ABCA12: variants seen among roughly 807,000 people sequenced by gnomAD.
ABCA12 encodes glucosylceramide transporter ABCA12.
Under a neutral mutation model 293.5 loss-of-function variants are expected in ABCA12, and 156 were observed. The ratio of observed to expected loss-of-function variants is 0.53; its 90% CI spans 0.47 to 0.61. The LOEUF is 0.61. ABCA12 is among the 20% of genes least tolerant of loss of function. The pLI is 0.00. For synonymous variants in ABCA12, 1,063 were observed against 1,108.0 expected (o/e 0.96, Z 0.81); for missense variants, 2,797 against 3,090.2 (o/e 0.91, Z 2.25).
chr2:215,015,038 C>A (rs1386109908), intron 15 of ABCA12, among the ~76,000 whole-genome samples: 9 of 152,024 alleles, frequency 5.9e-5, no homozygotes, highest in Admixed American at 4.6e-4. Flanking sequence ...TAGCCTCTAT[C>A]TAAATTGATG....
intron 44 of ABCA12, among the ~76,000 whole-genome samples, chr2:214,951,409 C>T (rs945025535): frequency 6.6e-6 from 1 of 152,160 alleles, no homozygotes; most frequent in Non-Finnish European, 1.5e-5. Flanking sequence ...AACTAAGGAA[C>T]TCCAGAATCA....
intron 18 of ABCA12, among the ~76,000 whole-genome samples, chr2:215,009,722 G>A (rs1700331128): frequency 6.6e-6 from 1 of 152,074 alleles, no homozygotes; most frequent in South Asian, 2.1e-4. Context: ...GTAAAACAGA[G>A]ATTTTTCTTT....
intron 11 of ABCA12, chr2:215,022,646 C>T (rs551355439): frequency 1.2e-4 from 19 of 152,276 alleles, no homozygotes; most frequent in African/African-American, 3.4e-4. Flanking sequence ...AATAGAACAA[C>T]GGATGACTAA....
At chr2:215,017,219 C>T (rs1186914664) in intron 14 of ABCA12, among the ~76,000 whole-genome samples, 4 of 152,140 alleles carry the variant, frequency 2.6e-5, no homozygotes, top group African/African-American at 7.2e-5. Flanking sequence ...AGAAATGACA[C>T]ACTCTGTCAC....
chr2:215,123,237 A>G (rs538916381), intron 1 of ABCA12, among the ~76,000 whole-genome samples: 2 of 152,056 alleles, frequency 1.3e-5, no homozygotes, highest in South Asian at 4.2e-4. Flanking sequence ...GCAGTGGCGC[A>G]ATCTCGGCTC....
chr2:214,953,781 A>G (rs1698853606), intron 44 of ABCA12, 73 bp downstream of exon 44: 13 of 1,565,504 alleles, frequency 8.3e-6, no homozygotes, highest in Non-Finnish European at 1.0e-5. Flanking sequence ...AGCTTAGACT[A>G]TTGACTTCTT....
intron 6 of ABCA12, among the ~76,000 whole-genome samples, chr2:215,047,648 T>C (rs1701229463): frequency 2.6e-5 from 4 of 152,186 alleles, no homozygotes; most frequent in Non-Finnish European, 5.9e-5. Context: ...ACACCTTGCT[T>C]ACACCATATA....
At chr2:214,982,125 G>A (rs1699681034) in intron 30 of ABCA12, 62 bp downstream of exon 30, 4 of 1,576,760 alleles carry the variant, frequency 2.5e-6, no homozygotes, top group Admixed American at 3.3e-5. Context: ...GTTTGCTTTT[G>A]TATATGCCAG....
At chr2:215,073,795 G>A (rs553411090) in intron 2 of ABCA12, among the ~76,000 whole-genome samples, 1 of 152,310 alleles carries the variant, frequency 6.6e-6, no homozygotes, top group Admixed American at 6.5e-5. Context: ...GAGAGAACGA[G>A]TTGAGGATTT....
intron 2 of ABCA12, among the ~76,000 whole-genome samples, chr2:215,097,417 T>C (rs1008286611): frequency 6.6e-6 from 1 of 152,204 alleles, no homozygotes; most frequent in Non-Finnish European, 1.5e-5. Flanking sequence ...TTACAGTTAC[T>C]GTAATTTGAT....
chr2:215,111,290 T>G (rs1289580333), intron 2 of ABCA12, among the ~76,000 whole-genome samples: 1 of 152,256 alleles, frequency 6.6e-6, no homozygotes, highest in Non-Finnish European at 1.5e-5. Flanking sequence ...AGATTGCTGC[T>G]TGTTTGTGCT....
chr2:214,973,030 G>A (rs1425468134), intron 36 of ABCA12, among the ~76,000 whole-genome samples: 1 of 151,806 alleles, frequency 6.6e-6, no homozygotes, highest in Non-Finnish European at 1.5e-5. Flanking sequence ...TCACCATGTT[G>A]CCAAGGCTGG....
chr2:215,046,813 G>T (rs2106050107), intron 6 of ABCA12, among the ~76,000 whole-genome samples: 1 of 152,126 alleles, frequency 6.6e-6, no homozygotes, highest in Middle Eastern at 3.4e-3. Flanking sequence ...GCAAAGACAT[G>T]AAATCAACCC....
At chr2:214,966,736 T>G in intron 39 of ABCA12, 112 bp downstream of exon 39, 1 of 938,314 alleles carries the variant, frequency 1.1e-6, no homozygotes, top group Non-Finnish European at 1.7e-6. Flanking sequence ...GACCTGTGAT[T>G]TAGATACCAT....
intron 2 of ABCA12, chr2:215,075,611 G>T (rs1235321910): frequency 1.5e-6 from 1 of 686,380 alleles, no homozygotes; most frequent in East Asian, 2.7e-5. Flanking sequence ...CCAAGTAGAA[G>T]AATCCCCTGT....
chr2:215,036,856 T>C, intron 8 of ABCA12, 97 bp downstream of exon 8: 1 of 1,070,320 alleles, frequency 9.3e-7, no homozygotes, highest in Non-Finnish European at 1.4e-6. Flanking sequence ...CTAAGAATAA[T>C]ATCATCTCTA....
intron 2 of ABCA12, among the ~76,000 whole-genome samples, chr2:215,105,359 G>A (rs774859194): frequency 3.9e-4 from 59 of 152,076 alleles, no homozygotes; most frequent in Non-Finnish European, 1.2e-4. Flanking sequence ...ATGCATCAAC[G>A]TGGGAGTGAG....
intron 20 of ABCA12, 82 bp downstream of exon 20, chr2:215,004,127 G>A: frequency 8.2e-7 from 1 of 1,224,876 alleles, no homozygotes; most frequent in Non-Finnish European, 1.2e-6. Context: ...GAGAAAAGGG[G>A]GGAAAATGTA....
intron 34 of ABCA12, among the ~76,000 whole-genome samples, chr2:214,975,181 C>G (rs1421354454): frequency 6.6e-6 from 1 of 152,174 alleles, no homozygotes; most frequent in Non-Finnish European, 1.5e-5. Context: ...GCAGGATGGT[C>G]TCAAACTCTG....
Sources: allele counts gnomAD v4.1 joint callset (sites outside exome capture counted in the v4.1 genomes callset), GRCh38; gene constraint gnomAD v4.1.1; transcripts MANE v1.5; gene names NCBI Gene and HGNC (gene_info 2026-07-23, HGNC 2026-07-21).